The following CSMD1 variants were observed in gnomAD, a reference collection of about 807,000 sequenced individuals.
CSMD1 encodes CUB and sushi domain-containing protein 1.
In CSMD1, 213 loss-of-function variants were observed where a neutral mutation model predicts 417.5. That is an observed-to-expected ratio of 0.51 (90% CI 0.46 to 0.57). The LOEUF (loss-of-function observed/expected upper bound fraction) is 0.57, where lower values mean the gene tolerates loss of function less well. Ranked by LOEUF, CSMD1 falls within the 20% of genes least tolerant of loss-of-function variation. The pLI is 0.00. For missense variants in CSMD1, 6,923 were observed against 4,529.7 expected (o/e 1.53, Z -15.17); for synonymous variants, 2,862 against 1,736.8 (o/e 1.65, Z -16.11).
intron 11 of CSMD1, among the ~76,000 whole-genome samples, chr8:3,490,039 T>G (rs192431374): frequency 7.2e-5 from 11 of 152,348 alleles, no homozygotes; most frequent in Admixed American, 1.3e-4. Context: ...TGTTTGCATA[T>G]AAGTACTCAA....
chr8:4,132,155 G>A (rs542421974), intron 3 of CSMD1, among the ~76,000 whole-genome samples: 3 of 148,318 alleles, frequency 2.0e-5, no homozygotes, highest in Non-Finnish European at 3.0e-5. Context: ...CAGATCAGCT[G>A]TTGCCTGTTT....
At chr8:4,099,091 CTG>C (rs1468757709) in intron 3 of CSMD1, among the ~76,000 whole-genome samples, 1 of 152,110 alleles carries the variant, frequency 6.6e-6, no homozygotes, top group East Asian at 1.9e-4. Flanking sequence ...TTATTTTCAT[CTG>C]TTTTTTTCTT....
At chr8:3,869,723 C>A (rs1382695363) in intron 5 of CSMD1, among the ~76,000 whole-genome samples, 1 of 152,072 alleles carries the variant, frequency 6.6e-6, no homozygotes, top group African/African-American at 2.4e-5. Flanking sequence ...CTCATCCTGG[C>A]AGGACCCACC....
At chr8:3,500,251 C>G (rs1024745556) in intron 10 of CSMD1, among the ~76,000 whole-genome samples, 1 of 152,150 alleles carries the variant, frequency 6.6e-6, no homozygotes, top group African/African-American at 2.4e-5. Flanking sequence ...ACCTACTTGT[C>G]ATTTTGGTTC....
chr8:4,980,859 G>C (rs545091835), intron 1 of CSMD1, among the ~76,000 whole-genome samples: 1 of 151,534 alleles, frequency 6.6e-6, no homozygotes, highest in South Asian at 2.1e-4. Flanking sequence ...AGCGAAGATC[G>C]CACCACTGCA....
intron 2 of CSMD1, among the ~76,000 whole-genome samples, chr8:4,542,311 A>G (rs1262438996): frequency 6.6e-6 from 1 of 152,200 alleles, no homozygotes; most frequent in Non-Finnish European, 1.5e-5. Context: ...GTTAATATAA[A>G]TTGTCGTTCT....
intron 10 of CSMD1, among the ~76,000 whole-genome samples, chr8:3,564,910 A>G (rs1799633376): frequency 6.6e-6 from 1 of 151,940 alleles, no homozygotes; most frequent in Non-Finnish European, 1.5e-5. Flanking sequence ...ACAGAGACAA[A>G]TATGTTGGAG....
intron 3 of CSMD1, among the ~76,000 whole-genome samples, chr8:4,364,743 T>A (rs1801968840): frequency 2.1e-5 from 1 of 48,374 alleles, no homozygotes. Context: ...GAGAATGGCG[T>A]GAACCCGGGA....
intron 62 of CSMD1, among the ~76,000 whole-genome samples, chr8:2,960,459 C>A (rs1803358813): frequency 6.6e-6 from 1 of 152,160 alleles, no homozygotes; most frequent in Non-Finnish European, 1.5e-5. Context: ...TCAAAGTCAT[C>A]CAACCAGATA....
intron 10 of CSMD1, among the ~76,000 whole-genome samples, chr8:3,567,541 AGAAAGGGAAG>A (rs1799767005): frequency 2.0e-5 from 3 of 150,380 alleles, no homozygotes; most frequent in African/African-American, 4.9e-5. Context: ...GAGGGGAAAG[AGAAAGGGAAG>A]GAAAGGGAAG....
chr8:4,410,804 T>C (rs1379673209), intron 3 of CSMD1, among the ~76,000 whole-genome samples: 4 of 152,088 alleles, frequency 2.6e-5, no homozygotes, highest in Non-Finnish European at 4.4e-5. Context: ...CCCTCTGCAA[T>C]GGTTTGAATA....
chr8:4,184,757 C>G (rs946373784), intron 3 of CSMD1, among the ~76,000 whole-genome samples: 1 of 125,624 alleles, frequency 8.0e-6, no homozygotes, highest in Non-Finnish European at 1.7e-5. Context: ...GGCTTAATAC[C>G]TGGGTGATGA....
At chr8:3,917,217 C>G (rs535396734) in intron 5 of CSMD1, among the ~76,000 whole-genome samples, 33 of 152,264 alleles carry the variant, frequency 2.2e-4, no homozygotes, top group Admixed American at 4.6e-4. Flanking sequence ...TTCCCATGAG[C>G]CATTTCCTGT....
intron 3 of CSMD1, among the ~76,000 whole-genome samples, chr8:4,387,983 A>T (rs907139428): frequency 3.9e-5 from 6 of 152,168 alleles, no homozygotes; most frequent in African/African-American, 1.4e-4. Context: ...CAGAAGACAC[A>T]ATCATGTTAA....
intron 1 of CSMD1, among the ~76,000 whole-genome samples, chr8:4,934,809 C>T (rs974080571): frequency 1.6e-4 from 24 of 151,982 alleles, no homozygotes; most frequent in African/African-American, 5.3e-4. Flanking sequence ...ATAAACCTAC[C>T]TATCATGTAT....
intron 3 of CSMD1, among the ~76,000 whole-genome samples, chr8:4,247,618 G>T (rs1802791640): frequency 6.6e-6 from 1 of 152,090 alleles, no homozygotes; most frequent in Non-Finnish European, 1.5e-5. Flanking sequence ...ACAAGGAGAA[G>T]AGCAGAGGTA....
intron 1 of CSMD1, among the ~76,000 whole-genome samples, chr8:4,944,762 G>A (rs976390971): frequency 6.6e-6 from 1 of 152,066 alleles, no homozygotes; most frequent in Non-Finnish European, 1.5e-5. Flanking sequence ...CTGTTGGCGA[G>A]GATGTAAAGG....
rs78732438 is a variant in CSMD1, at chr8:3,853,170, C to G, written c.819-99128G>C. Among the ~76,000 whole-genome samples, 985 of 152,276 alleles carry G rather than the reference C, an allele frequency of 6.5e-3. 7 individuals carry two copies. The highest frequency in any genetic ancestry group is 0.011 in the Non-Finnish European group (750 of 68,020). On this transcript the variant is annotated intron_variant, in intron 5 of 69. Coordinates refer to ENST00000635120, the MANE Select transcript of CSMD1 (RefSeq NM_033225.6). ...GTCCCTTGGCTTCAAGGACACTCCT[C>G]TGAGATGCTGCTTCCCTTCCTTCAC... is the stretch of plus-strand genomic sequence containing the variant.
intron 2 of CSMD1, among the ~76,000 whole-genome samples, chr8:4,471,296 C>T (rs547880424): frequency 1.6e-3 from 248 of 152,244 alleles, no homozygotes; most frequent in African/African-American, 5.7e-3. Context: ...CAAAGTCAAA[C>T]AGGTTGGTAA....
Sources: allele counts gnomAD v4.1 joint callset (sites outside exome capture counted in the v4.1 genomes callset), GRCh38; gene constraint gnomAD v4.1.1; transcripts MANE v1.5; gene names NCBI Gene and HGNC (gene_info 2026-07-23, HGNC 2026-07-21).